Variants in AAK1 observed in about 807,000 individuals in gnomAD.
AAK1 encodes the protein AP2 associated kinase 1.
AAK1 carries 37 observed loss-of-function variants against 116.0 expected under a neutral mutation model. That is an observed-to-expected ratio of 0.32 (90% CI 0.25 to 0.42). The LOEUF (loss-of-function observed/expected upper bound fraction) is 0.42. AAK1 is among the 10% of genes least tolerant of loss of function. AAK1 has a pLI of 1.00. For synonymous variants in AAK1, 458 were observed against 439.9 expected (o/e 1.04, Z -0.51); for missense variants, 919 against 1,170.6 (o/e 0.79, Z 3.14).
chr2:69,520,949 T>C lies in AAK1; in HGVS notation c.1095A>G (p.Ala365=), dbSNP rs776427903. The C allele has an allele frequency of 3.7e-6, 6 of 1,613,258 alleles. No homozygotes were observed. The highest frequency in any genetic ancestry group is 4.2e-6 in the Non-Finnish European group (5 of 1,179,604). Residue 365 remains alanine, a synonymous_variant, in exon 11 of 22, where the codon GCA becomes GCG. Transcript: ENST00000409085. ...GCCCAGCTTTAGGCCTCTGGCGGGG[T>C]GCAATTGAAGTCTCTGTGGTGGGAA... is the stretch of plus-strand genomic sequence containing the variant. ...DPIPTTETSI[A]PRQRPKAGQT...
At chr2:69,640,105 G>A (rs1166477228) in intron 2 of AAK1, among the ~76,000 whole-genome samples, 1 of 144,280 alleles carries the variant, frequency 6.9e-6, no homozygotes, top group Non-Finnish European at 1.5e-5. Flanking sequence ...TACATATGAT[G>A]TATAACGTTG....
Position 69,465,181 on chromosome 2 carries a change from T to C in AAK1, c.*10688A>G. ...ATGACCTCTGTGAAGGAGATGAAAA[T>C]GCCTCCAAGTCCAGAAATCAATATA... On this transcript the variant is annotated 3_prime_UTR_variant, in exon 22 of 22. Coordinates refer to ENST00000409085, the MANE Select transcript of AAK1 (RefSeq NM_014911.5). 3.5e-6 allele frequency: 1 copy of C among 283,786 alleles called. No individual in the cohort carries two copies. Among genetic ancestry groups the C allele is most frequent in the South Asian group, 3.7e-5 (1 of 26,776 alleles). 17.6% of individuals were successfully genotyped at this position (283,786 alleles called of 1,614,324 possible). A position where few individuals can be genotyped will look rare whatever the true frequency, so the allele number is the denominator to read the frequency against.
intron 2 of AAK1, among the ~76,000 whole-genome samples, chr2:69,617,916 TC>T (rs1674415394): frequency 6.6e-6 from 1 of 152,202 alleles, no homozygotes; most frequent in Non-Finnish European, 1.5e-5. Context: ...GAGTCATACC[TC>T]CTCCTTTATC....
chr2:69,544,980 T>C (rs1337771025), intron 3 of AAK1, among the ~76,000 whole-genome samples: 1 of 152,214 alleles, frequency 6.6e-6, no homozygotes, highest in Non-Finnish European at 1.5e-5. Context: ...TGAATTTAAC[T>C]TGACTTTTAA....
At chr2:69,595,446 T>C (rs1673238090) in intron 2 of AAK1, among the ~76,000 whole-genome samples, 1 of 152,206 alleles carries the variant, frequency 6.6e-6, no homozygotes, top group African/African-American at 2.4e-5. Context: ...GCTACATGAA[T>C]GATATGGATA....
chr2:69,640,360 A>G (rs970569408), intron 2 of AAK1, among the ~76,000 whole-genome samples: 2 of 152,152 alleles, frequency 1.3e-5, no homozygotes, highest in African/African-American at 4.8e-5. Context: ...CCACAGGGAA[A>G]CAGAGATTCA....
rs1393890881 is a variant in AAK1, at chr2:69,476,979, T to C, written c.2692A>G (p.Ser898Gly). 1 of 1,611,044 alleles carries C rather than the reference T, an allele frequency of 6.2e-7. No homozygotes were observed. The highest frequency in any genetic ancestry group is 1.3e-5 in the African/African-American group (1 of 74,880). Reference protein sequence around the residue: ...SAPVHKAAEDSNLISGFDVPE... With the variant: ...SAPVHKAAEDGNLISGFDVPE... ...ACATCAAAACCTGAGATGAGATTAC[T>C]ATCTTCTGCAGCTTAATACAGAATG... is the stretch of plus-strand genomic sequence containing the variant. Residue 898 changes from serine to glycine, a missense_variant, in exon 21 of 22, where the codon AGT (serine) becomes GGT (glycine). This residue lies in a region of AAK1 where 263 missense variants were observed against 285.5 expected (regional missense o/e 0.92). Coordinates refer to ENST00000409085, the MANE Select transcript of AAK1 (RefSeq NM_014911.5).
At chr2:69,622,815 G>C (rs1470278429) in intron 2 of AAK1, among the ~76,000 whole-genome samples, 3 of 152,104 alleles carry the variant, frequency 2.0e-5, no homozygotes, top group African/African-American at 2.4e-5. Context: ...TCGACACTCC[G>C]CATCTAGCTA....
intron 5 of AAK1, among the ~76,000 whole-genome samples, chr2:69,535,968 C>T (rs1341044217): frequency 6.6e-6 from 1 of 152,198 alleles, no homozygotes; most frequent in Middle Eastern, 3.2e-3. Flanking sequence ...TTATTAAGTG[C>T]CAGACACTGC....
intron 5 of AAK1, among the ~76,000 whole-genome samples, chr2:69,533,600 G>C (rs548519610): frequency 1.3e-5 from 2 of 152,172 alleles, no homozygotes; most frequent in African/African-American, 4.8e-5. Context: ...GCTTATGGTG[G>C]TGTTGTGAGG....
rs1558929623 is a variant in AAK1, at chr2:69,519,053, TTGC to T, written c.1395_1397del (p.Gln466del). On this transcript the variant is annotated inframe_deletion, in exon 12 of 22. Transcript: ENST00000409085. The stretch of plus-strand genomic sequence containing the variant: ...GCTGCTGTTGCTGCTTGAGGAAGAG[TTGC>T]TGCTGGTGCTGGGGTGTGGCCTGGG... The T allele has an allele frequency of 6.4e-7, 1 of 1,550,680 alleles. No homozygotes were observed. Among genetic ancestry groups the T allele is most frequent in the Non-Finnish European group, 8.7e-7 (1 of 1,146,694 alleles).
intron 17 of AAK1, among the ~76,000 whole-genome samples, chr2:69,485,714 C>A (rs1675271201): frequency 8.5e-6 from 1 of 118,120 alleles, no homozygotes; most frequent in Admixed American, 9.5e-5. Flanking sequence ...GGCTGGAGTG[C>A]AATGGCACAA....
At chr2:69,591,016 A>G (rs1233008024) in intron 2 of AAK1, among the ~76,000 whole-genome samples, 1 of 152,262 alleles carries the variant, frequency 6.6e-6, no homozygotes, top group Admixed American at 6.5e-5. Flanking sequence ...AACAGATTTC[A>G]GATGAATTCT....
Position 69,524,012 on chromosome 2 carries a change from A to G in AAK1, c.1055+1021T>C, listed in dbSNP as rs114456130. ...TTTCCCTCACATGGGCATTTCCCCAAATAACATCTTCGTTTAATCCTCTTT... is the reference window on the plus strand; with the variant it reads ...TTTCCCTCACATGGGCATTTCCCCAGATAACATCTTCGTTTAATCCTCTTT... On this transcript the variant is annotated intron_variant, in intron 10 of 21. Transcript: ENST00000409085. Among the ~76,000 whole-genome samples the G allele has an allele frequency of 4.9e-3, 748 of 152,338 alleles. 4 individuals carry two copies. Among genetic ancestry groups the G allele is most frequent in the African/African-American group, 0.017 (704 of 41,574 alleles).
intron 2 of AAK1, among the ~76,000 whole-genome samples, chr2:69,608,616 T>C (rs546434345): frequency 6.6e-6 from 1 of 152,286 alleles, no homozygotes; most frequent in African/African-American, 2.4e-5. Flanking sequence ...GAACAGCAAA[T>C]TGAAGACTAT....
Position 69,514,567 on chromosome 2 carries a change from C to G in AAK1, c.1680G>C (p.Gln560His). ...TAGTGGGCTTTTGCTGCAAGGCAGC[C>G]TGCTGAGTCATCAGCTGTTGTTGAT... ...ALHQQQLMTQ[Q>H]AALQQKPTMA... Residue 560 changes from glutamine (Q) to histidine (H), a missense_variant, in exon 13 of 22, where the codon CAG becomes CAC. By Grantham distance (24) the Gln-to-His change is conservative. This residue lies in a region of AAK1 where 214 missense variants were observed against 210.6 expected (regional missense o/e 1.02). Transcript: ENST00000409085. 6.4e-7 allele frequency: 1 copy of G among 1,564,124 alleles called. No homozygotes were observed. Among genetic ancestry groups the G allele is most frequent in the Non-Finnish European group, 8.7e-7 (1 of 1,154,216 alleles).
intron 2 of AAK1, among the ~76,000 whole-genome samples, chr2:69,634,262 A>G (rs1331859891): frequency 6.6e-6 from 1 of 152,244 alleles, no homozygotes; most frequent in Non-Finnish European, 1.5e-5. Flanking sequence ...ACTTGTAGCT[A>G]GGAGCCTCGG....
rs927224311 is a variant in AAK1 at position 69,559,260 on chromosome 2, TCTCACACA to T, written c.164-2290_164-2283del. ...TAGAGGTCTTATCTATCTCTCTCTCTCTCACACACACACACACACACACACACACACAC... is the reference window on the plus strand; with the variant it reads ...TAGAGGTCTTATCTATCTCTCTCTCTCACACACACACACACACACACACAC... On this transcript the variant is annotated intron_variant, in intron 2 of 21. Coordinates refer to ENST00000409085, the MANE Select transcript of AAK1 (RefSeq NM_014911.5). 2.5e-4 allele frequency among the ~76,000 whole-genome samples: 29 copies of T among 117,024 alleles called. 1 individual carries two copies. The highest frequency in any genetic ancestry group is 1.2e-3 in the African/African-American group (29 of 24,074). 76.8% of individuals were successfully genotyped at this position (117,024 alleles called of 152,430 possible).
At chr2:69,599,890 A>T (rs948323208) in intron 2 of AAK1, among the ~76,000 whole-genome samples, 1 of 150,398 alleles carries the variant, frequency 6.6e-6, no homozygotes, top group Non-Finnish European at 1.5e-5. Context: ...CAGTCCTCTC[A>T]CCTCAGCCTC....
Sources: gnomAD v4.1 joint callset for allele counts (sites outside exome capture counted in the v4.1 genomes callset) on GRCh38, gnomAD v4.1.1 for gene constraint, gnomAD v4.1.1 regional missense constraint, MANE v1.5 for transcripts, NCBI Gene and HGNC (gene_info 2026-07-23, HGNC 2026-07-21) for gene names.